Variants in FGF14 observed in about 807,000 individuals in gnomAD.
FGF14 encodes the protein fibroblast growth factor 14, also known as fibroblast growth factor homologous factor 4.
FGF14 carries 5 observed loss-of-function variants against 25.5 expected under a neutral mutation model. The observed-to-expected ratio is 0.20, with a 90% CI of 0.10 to 0.41. The LOEUF is 0.41. Among genes scored for constraint, FGF14 ranks in the 10% least tolerant of loss-of-function variants. The probability of loss-of-function intolerance (pLI) is 1.00; values close to 1 mark genes in which losing one functional copy is unlikely to be tolerated. For missense variants in FGF14, 222 were observed against 320.1 expected, an observed-to-expected ratio of 0.69 and a Z score of 2.34; for synonymous variants, 138 against 118.3, an observed-to-expected ratio of 1.17 and a Z score of -1.08.
chr13:102,259,952 C>A (rs1156359188), intron 1 of FGF14, among the ~76,000 whole-genome samples: 1 of 152,174 alleles, frequency 6.6e-6, no homozygotes, highest in African/African-American at 2.4e-5. Flanking sequence ...CAGTCCTCAC[C>A]GGACAGAGGG....
At chr13:102,030,875 G>T (rs937992593) in intron 1 of FGF14, among the ~76,000 whole-genome samples, 1 of 151,966 alleles carries the variant, frequency 6.6e-6, no homozygotes, top group Non-Finnish European at 1.5e-5. Context: ...GCGAATACTC[G>T]GTATGAATTT....
At chr13:102,027,138 T>C (rs1001375541) in intron 1 of FGF14, among the ~76,000 whole-genome samples, 3 of 151,970 alleles carry the variant, frequency 2.0e-5, no homozygotes, top group Non-Finnish European at 4.4e-5. Flanking sequence ...TCAAACTTTC[T>C]AGTAAGAGTA....
At chr13:101,736,677 A>G (rs2036210939) in intron 3 of FGF14, among the ~76,000 whole-genome samples, 1 of 152,162 alleles carries the variant, frequency 6.6e-6, no homozygotes, top group South Asian at 2.1e-4. Context: ...GGTGATGGTT[A>G]ATATTTATTT....
At chr13:101,983,313 G>T (rs924438462) in intron 1 of FGF14, among the ~76,000 whole-genome samples, 1 of 152,080 alleles carries the variant, frequency 6.6e-6, no homozygotes, top group African/African-American at 2.4e-5. Context: ...GAATTATAAA[G>T]GGGTCCAATA....
intron 3 of FGF14, among the ~76,000 whole-genome samples, chr13:101,822,460 A>C (rs567190617): frequency 1.3e-5 from 2 of 150,946 alleles, no homozygotes; most frequent in Admixed American, 1.3e-4. Context: ...TGACATTTCC[A>C]TATAAATTTT....
At chr13:101,992,370 T>C (rs1010101475) in intron 1 of FGF14, among the ~76,000 whole-genome samples, 1 of 152,078 alleles carries the variant, frequency 6.6e-6, no homozygotes, top group Non-Finnish European at 1.5e-5. Context: ...GGCCATTGAC[T>C]CCAGTTCCTT....
intron 1 of FGF14, among the ~76,000 whole-genome samples, chr13:102,090,994 T>G (rs1211278829): frequency 2.0e-5 from 3 of 152,220 alleles, no homozygotes. Context: ...ATGTCTCTTT[T>G]GCTATTCCAA....
chr13:102,102,502 C>A (rs1476324956), intron 1 of FGF14, among the ~76,000 whole-genome samples: 7 of 152,120 alleles, frequency 4.6e-5, no homozygotes, highest in Non-Finnish European at 7.4e-5. Flanking sequence ...GGAGCTTTTG[C>A]CCAACCTCCT....
intron 1 of FGF14, among the ~76,000 whole-genome samples, chr13:102,353,386 C>T (rs1377239576): frequency 1.3e-5 from 2 of 152,272 alleles, no homozygotes; most frequent in Admixed American, 6.5e-5. Context: ...AGCTTCAATA[C>T]CAGTTCAATG....
chr13:101,884,391 C>T (rs963318678), intron 1 of FGF14, among the ~76,000 whole-genome samples: 3 of 151,908 alleles, frequency 2.0e-5, no homozygotes, highest in African/African-American at 7.3e-5. Context: ...GGGGCTGTCA[C>T]AAAAACAGGG....
intron 1 of FGF14, among the ~76,000 whole-genome samples, chr13:102,401,212 A>T (rs76241327): frequency 7.3e-6 from 1 of 136,700 alleles, no homozygotes; most frequent in South Asian, 2.4e-4. Context: ...AAATACATTA[A>T]AAAAAAAAAA....
chr13:102,282,818 T>C (rs977316637), intron 1 of FGF14, among the ~76,000 whole-genome samples: 3 of 150,706 alleles, frequency 2.0e-5, no homozygotes, highest in Non-Finnish European at 4.4e-5. Context: ...GCTGATCACA[T>C]AGCTATCCAA....
chr13:101,862,349 T>C (rs2044467560), intron 3 of FGF14, among the ~76,000 whole-genome samples: 1 of 151,364 alleles, frequency 6.6e-6, no homozygotes, highest in Non-Finnish European at 1.5e-5. Context: ...TTTATATTTA[T>C]TTTTTTTCCT....
At chr13:101,734,173 G>A (rs1426647377) in intron 3 of FGF14, among the ~76,000 whole-genome samples, 1 of 151,996 alleles carries the variant, frequency 6.6e-6, no homozygotes, top group African/African-American at 2.4e-5. Context: ...ATTTTAACGA[G>A]GTCCCAGGTG....
At chr13:102,379,490 A>G (rs913681867) in intron 1 of FGF14, among the ~76,000 whole-genome samples, 3 of 151,528 alleles carry the variant, frequency 2.0e-5, no homozygotes, top group Admixed American at 1.3e-4. Context: ...GTGTGTATAT[A>G]TATTTTTAAA....
At chr13:102,355,695 C>A (rs2057401353) in intron 1 of FGF14, among the ~76,000 whole-genome samples, 1 of 151,578 alleles carries the variant, frequency 6.6e-6, no homozygotes. Context: ...TAAAAAATTA[C>A]AATTTATTAA....
At chr13:102,038,981 G>A (rs1271360049) in intron 1 of FGF14, among the ~76,000 whole-genome samples, 1 of 152,110 alleles carries the variant, frequency 6.6e-6, no homozygotes, top group African/African-American at 2.4e-5. Flanking sequence ...TACTGGTAGT[G>A]ACATGGATTA....
intron 1 of FGF14, among the ~76,000 whole-genome samples, chr13:102,145,409 T>C (rs1258873012): frequency 2.0e-5 from 3 of 151,998 alleles, no homozygotes; most frequent in Non-Finnish European, 4.4e-5. Context: ...GGTGGCAGAG[T>C]GGTAAGATGG....
At chr13:102,159,159 A>AT (rs1392402227) in intron 1 of FGF14, among the ~76,000 whole-genome samples, 2 of 118,072 alleles carry the variant, frequency 1.7e-5, no homozygotes, top group Admixed American at 1.6e-4. Context: ...AAAAAAAAAG[A>AT]AAAGAAAAGA....
Sources: allele counts gnomAD v4.1 joint callset (sites outside exome capture counted in the v4.1 genomes callset), GRCh38; gene constraint gnomAD v4.1.1; transcripts MANE v1.5; gene names NCBI Gene and HGNC (gene_info 2026-07-23, HGNC 2026-07-21).